ROBO2: variants seen among roughly 807,000 people sequenced by gnomAD.
ROBO2 encodes the protein roundabout guidance receptor 2.
A neutral mutation model predicts 160.8 loss-of-function variants in ROBO2; 53 were observed. That is an observed-to-expected ratio of 0.33 (90% CI 0.26 to 0.41). ROBO2 has a LOEUF of 0.41. ROBO2 is among the 10% of genes least tolerant of loss of function. The pLI, the probability that ROBO2 is intolerant of heterozygous loss-of-function variation, is 1.00. For synonymous variants in ROBO2, 664 were observed against 611.7 expected (o/e 1.09, Z -1.26); for missense variants, 1,577 against 1,722.4 (o/e 0.92, Z 1.49).
chr3:77,244,793 G>A (rs35725659), intron 2 of ROBO2, among the ~76,000 whole-genome samples: 52,435 of 150,212 alleles, frequency 0.35, 9,469 homozygotes, highest in African/African-American at 0.38. Flanking sequence ...CAGGGGAATC[G>A]CTTGAACCTG....
intron 2 of ROBO2, among the ~76,000 whole-genome samples, chr3:76,462,349 C>T (rs867131808): frequency 2.6e-5 from 4 of 151,954 alleles, no homozygotes; most frequent in Non-Finnish European, 2.9e-5. Flanking sequence ...AACATTCGAG[C>T]GATTTTTTGA....
intron 1 of ROBO2, among the ~76,000 whole-genome samples, chr3:77,063,284 T>C (rs1323895992): frequency 1.3e-5 from 2 of 152,204 alleles, no homozygotes; most frequent in Non-Finnish European, 2.9e-5. Flanking sequence ...GTGTCTGTTT[T>C]CTAAAAGCTC....
rs1246422799 is a variant in ROBO2, at chr3:76,297,824, CTG to C, written c.109+360226_109+360227del. 8.0e-5 allele frequency among the ~76,000 whole-genome samples: 12 copies of C among 150,698 alleles called. No individual in the cohort carries two copies. In the East Asian group the frequency reaches 2.2e-3, roughly 27 times the overall value. On this transcript the variant is annotated intron_variant, in intron 2 of 26. Transcript: ENST00000487694. ...TGAAGAAGTGTGTTTAGAAGAGAAA[CTG>C]TGTTTCAATCTAGTGCTCTAGTTTC...
chr3:76,937,634 A>G (rs1360990064), intron 2 of ROBO2, among the ~76,000 whole-genome samples: 2 of 152,156 alleles, frequency 1.3e-5, no homozygotes, highest in African/African-American at 4.8e-5. Context: ...ATGTTGGGTC[A>G]GTGCAAAAAT....
intron 2 of ROBO2, among the ~76,000 whole-genome samples, chr3:75,962,160 G>A (rs1360633457): frequency 2.6e-5 from 4 of 151,514 alleles, no homozygotes; most frequent in South Asian, 2.1e-4. Context: ...TGTGAAGGGA[G>A]TTAATCTTGA....
chr3:76,983,781 C>A (rs1287056264), intron 2 of ROBO2, among the ~76,000 whole-genome samples: 1 of 152,198 alleles, frequency 6.6e-6, no homozygotes, highest in African/African-American at 2.4e-5. Context: ...CATGAGGAAA[C>A]TGAATTCCTA....
chr3:76,178,771 G>A (rs2107079046), intron 2 of ROBO2, among the ~76,000 whole-genome samples: 1 of 152,090 alleles, frequency 6.6e-6, no homozygotes, highest in East Asian at 1.9e-4. Context: ...GGAAAACCCT[G>A]TCTCTACTAA....
intron 2 of ROBO2, among the ~76,000 whole-genome samples, chr3:77,277,217 T>G (rs1285393247): frequency 1.7e-4 from 20 of 118,118 alleles, no homozygotes; most frequent in Non-Finnish European, 3.2e-4. Flanking sequence ...TCTTTCTTCT[T>G]TCTTTCTTTC....
At chr3:76,312,004 GA>G (rs2071620628) in intron 2 of ROBO2, among the ~76,000 whole-genome samples, 1 of 152,190 alleles carries the variant, frequency 6.6e-6, no homozygotes, top group Admixed American at 6.5e-5. Context: ...CGTGAGATGG[GA>G]GAGAATTTTT....
At chr3:77,224,480 A>G (rs377386222) in intron 2 of ROBO2, among the ~76,000 whole-genome samples, 11 of 152,004 alleles carry the variant, frequency 7.2e-5, no homozygotes, top group African/African-American at 2.4e-4. Context: ...AATAAAGTAC[A>G]GAGAACAACA....
At chr3:77,433,785 G>C (rs2079026130) in intron 2 of ROBO2, among the ~76,000 whole-genome samples, 1 of 151,810 alleles carries the variant, frequency 6.6e-6, no homozygotes, top group Non-Finnish European at 1.5e-5. Flanking sequence ...GTCAGAGACT[G>C]TCTCAGTAAA....
chr3:76,289,143 C>T (rs1054150094), intron 2 of ROBO2, among the ~76,000 whole-genome samples: 1 of 152,176 alleles, frequency 6.6e-6, no homozygotes, highest in East Asian at 1.9e-4. Context: ...TTGTCCACAA[C>T]CTCACCAGCA....
At chr3:76,683,919 AT>A (rs1176625714) in intron 2 of ROBO2, among the ~76,000 whole-genome samples, 42 of 152,044 alleles carry the variant, frequency 2.8e-4, no homozygotes, top group Non-Finnish European at 2.9e-5. Context: ...AAAAGTTTAT[AT>A]TTTTTTCTCT....
chr3:77,219,484 A>AT (rs10654898), intron 2 of ROBO2, among the ~76,000 whole-genome samples: 6 of 90,706 alleles, frequency 6.6e-5, no homozygotes, highest in African/African-American at 1.1e-4. Flanking sequence ...ATATATATAT[A>AT]ATCTGTATAT....
At chr3:77,126,375 C>T (rs2075312937) in intron 2 of ROBO2, among the ~76,000 whole-genome samples, 2 of 152,122 alleles carry the variant, frequency 1.3e-5, no homozygotes. Flanking sequence ...CACAATTGGC[C>T]TACTTAAAAT....
chr3:77,565,952 T>A (rs1305566537), intron 12 of ROBO2, among the ~76,000 whole-genome samples: 1 of 152,092 alleles, frequency 6.6e-6, no homozygotes, highest in Non-Finnish European at 1.5e-5. Context: ...GAAAAAGAAA[T>A]TAATAAAATA....
intron 2 of ROBO2, among the ~76,000 whole-genome samples, chr3:76,315,733 A>T (rs997913382): frequency 1.3e-5 from 2 of 152,202 alleles, no homozygotes; most frequent in African/African-American, 2.4e-5. Flanking sequence ...TAAAACCAGT[A>T]TCTCACATTC....
upstream of ROBO2, among the ~76,000 whole-genome samples, chr3:77,038,670 ACGGCTAC>A (rs2063781361): frequency 6.6e-6 from 1 of 151,876 alleles, no homozygotes; most frequent in Non-Finnish European, 1.5e-5. Context: ...CAAGCATCAA[ACGGCTAC>A]CAGCGAGCCT....
chr3:77,113,203 G>A (rs956718535), intron 2 of ROBO2, among the ~76,000 whole-genome samples: 1 of 152,154 alleles, frequency 6.6e-6, no homozygotes, highest in African/African-American at 2.4e-5. Flanking sequence ...CAGGACCCAT[G>A]TGTCCAGATT....
Sources: allele counts gnomAD v4.1 joint callset (sites outside exome capture counted in the v4.1 genomes callset), GRCh38; gene constraint gnomAD v4.1.1; transcripts MANE v1.5; gene names NCBI Gene and HGNC (gene_info 2026-07-23, HGNC 2026-07-21).